The following CPS1 variants were observed in gnomAD, a reference collection of about 807,000 sequenced individuals.
CPS1 encodes carbamoyl-phosphate synthase [ammonia], mitochondrial.
Under a neutral mutation model 174.6 loss-of-function variants are expected in CPS1, and 109 were observed. The observed-to-expected ratio is 0.62, with a 90% CI of 0.53 to 0.73. The LOEUF (loss-of-function observed/expected upper bound fraction) is 0.73, where lower values mean the gene tolerates loss of function less well. Among genes scored for constraint, CPS1 ranks in the 30% least tolerant of loss-of-function variants. CPS1 has a pLI of 0.00. For synonymous variants in CPS1, 637 were observed against 632.0 expected, an observed-to-expected ratio of 1.01 and a Z score of -0.12; for missense variants, 1,689 against 1,821.9, an observed-to-expected ratio of 0.93 and a Z score of 1.33.
rs777862834 is a variant in CPS1, at chr2:210,668,170, A to G, written c.4003-16A>G. 3 of 1,597,412 alleles carry G rather than the reference A, an allele frequency of 1.9e-6. No homozygotes were observed. The highest frequency in any genetic ancestry group is 4.5e-5 in the East Asian group (2 of 44,740). ...TTTGCATCCTCTATTTTAATTTTTT[A>G]TTTATTTCTAAACAGGTGGCTTGCT... On this transcript the variant is annotated splice_polypyrimidine_tract_variant and intron_variant, in intron 33 of 37. Coordinates refer to ENST00000233072, the MANE Select transcript of CPS1 (RefSeq NM_001875.5).
intron 1 of CPS1, among the ~76,000 whole-genome samples, chr2:210,567,002 C>A (rs905775452): frequency 3.3e-5 from 5 of 151,930 alleles, no homozygotes; most frequent in African/African-American, 1.2e-4. Flanking sequence ...CTTATTTGTA[C>A]AACTGCATAT....
intron 1 of CPS1, among the ~76,000 whole-genome samples, chr2:210,565,251 A>G (rs1020157681): frequency 1.2e-4 from 18 of 152,080 alleles, no homozygotes; most frequent in Admixed American, 6.5e-4. Context: ...CAAAGGAAAC[A>G]TTTAGTATTA....
intron 1 of CPS1, among the ~76,000 whole-genome samples, chr2:210,538,378 C>T (rs990629639): frequency 3.9e-5 from 6 of 151,992 alleles, no homozygotes; most frequent in African/African-American, 1.4e-4. Flanking sequence ...TGAAATAGCC[C>T]AGAATGGAGG....
chr2:210,502,377 A>T, intron 1 of CPS1, among the ~76,000 whole-genome samples: 1 of 95,566 alleles, frequency 1.0e-5, no homozygotes, highest in African/African-American at 3.0e-5. Flanking sequence ...CTATATATAT[A>T]TATTTTTTTA....
chr2:210,496,835 C>T (rs538739988), intron 1 of CPS1, among the ~76,000 whole-genome samples: 2 of 152,286 alleles, frequency 1.3e-5, no homozygotes, highest in South Asian at 2.1e-4. Flanking sequence ...CCTGGTCACC[C>T]TATTTAATAC....
At chr2:210,551,858 G>A (rs545767810), upstream of CPS1, among the ~76,000 whole-genome samples, 12 of 152,020 alleles carry the variant, frequency 7.9e-5, no homozygotes, top group African/African-American at 2.9e-4. Context: ...ATATCTGTCT[G>A]TCATTTTCAA....
chr2:210,644,728 T>C (rs535524686), intron 25 of CPS1, among the ~76,000 whole-genome samples: 1 of 152,288 alleles, frequency 6.6e-6, no homozygotes, highest in Non-Finnish European at 1.5e-5. Flanking sequence ...CAGGATAAGT[T>C]AAGATGTTCT....
At chr2:210,641,021 A>T (rs1700206995) in intron 24 of CPS1, among the ~76,000 whole-genome samples, 1 of 152,186 alleles carries the variant, frequency 6.6e-6, no homozygotes, top group South Asian at 2.1e-4. Flanking sequence ...TGCTTCTAAG[A>T]TGGCGCCTTA....
rs1436378650 is a variant in CPS1, at chr2:210,616,445, T to C, written c.2591T>C (p.Leu864Pro). 6.2e-7 allele frequency: 1 copy of C among 1,611,726 alleles called. No individual in the cohort carries two copies. The highest frequency in any genetic ancestry group is 8.5e-7 in the Non-Finnish European group (1 of 1,178,256). Residue 864 changes from leucine to proline, a missense_variant, in exon 21 of 38, where the codon CTT becomes CCT. Physicochemically the swap from Leu to Pro is moderately conservative, Grantham distance 98. Coordinates refer to ENST00000233072, the MANE Select transcript of CPS1 (RefSeq NM_001875.5). ...IAKAIDDNMS[L>P]DEIEKLTYID... is the part of the protein sequence containing the mutation. ...CAGGCCATTGATGACAACATGTCCCTTGATGAGATTGAGAAGCTCACATAC... is the reference window on the plus strand; with the variant it reads ...CAGGCCATTGATGACAACATGTCCCCTGATGAGATTGAGAAGCTCACATAC...
intron 21 of CPS1, among the ~76,000 whole-genome samples, chr2:210,616,801 T>C (rs932416502): frequency 1.3e-5 from 2 of 151,996 alleles, no homozygotes; most frequent in Non-Finnish European, 2.9e-5. Context: ...TAAGGTCTTT[T>C]GAATGCACAA....
intron 19 of CPS1, among the ~76,000 whole-genome samples, chr2:210,609,377 T>C (rs1043705447): frequency 6.6e-6 from 1 of 151,958 alleles, no homozygotes; most frequent in African/African-American, 2.4e-5. Flanking sequence ...CCAGCTGGAC[T>C]TGGATATTAC....
intron 1 of CPS1, among the ~76,000 whole-genome samples, chr2:210,513,955 A>G (rs1478894884): frequency 6.6e-6 from 1 of 151,940 alleles, no homozygotes; most frequent in Non-Finnish European, 1.5e-5. Flanking sequence ...TTCTTTCCCC[A>G]TTGCTTGTTT....
At chr2:210,640,808 G>T (rs1160858239) in intron 24 of CPS1, among the ~76,000 whole-genome samples, 1 of 152,166 alleles carries the variant, frequency 6.6e-6, no homozygotes, top group Non-Finnish European at 1.5e-5. Flanking sequence ...GGATATGTTA[G>T]TTTACCAATC....
At position 210,602,183 on chromosome 2, in the gene CPS1, T is replaced by G; in HGVS notation, c.1708-19T>G. The G allele has an allele frequency of 1.9e-6, 3 of 1,611,782 alleles. No individual in the cohort carries two copies. The highest frequency in any genetic ancestry group is 2.5e-6 in the Non-Finnish European group (3 of 1,178,800). ...TGTGCTCAGCTTTTAAAATGTTGAG[T>G]CCTTGTTCTTGTTGACAGATTGAGG... On this transcript the variant is annotated intron_variant, in intron 15 of 37. Coordinates refer to ENST00000233072, the MANE Select transcript of CPS1 (RefSeq NM_001875.5).
chr2:210,531,650 G>T (rs1276048834), intron 1 of CPS1, among the ~76,000 whole-genome samples: 2 of 152,108 alleles, frequency 1.3e-5, no homozygotes, highest in Non-Finnish European at 2.9e-5. Context: ...GTTAATAGTA[G>T]AATGCTCTTT....
At chr2:210,530,862 A>C (rs1007295819) in intron 1 of CPS1, among the ~76,000 whole-genome samples, 4 of 151,806 alleles carry the variant, frequency 2.6e-5, no homozygotes, top group Non-Finnish European at 4.4e-5. Flanking sequence ...GATCTGGCAG[A>C]TCTAGTGTGG....
intron 33 of CPS1, among the ~76,000 whole-genome samples, chr2:210,664,555 T>C (rs990763864): frequency 6.6e-6 from 1 of 152,092 alleles, no homozygotes; most frequent in African/African-American, 2.4e-5. Flanking sequence ...GTCAGGCTGG[T>C]CTCGAACTCC....
intron 1 of CPS1, among the ~76,000 whole-genome samples, chr2:210,495,928 TTTC>T (rs1209887970): frequency 6.6e-6 from 1 of 151,908 alleles, no homozygotes; most frequent in Non-Finnish European, 1.5e-5. Context: ...ACCTCCCTCT[TTTC>T]TTTTTTTCCT....
At chr2:210,623,164 C>A (rs1315103462) in intron 21 of CPS1, among the ~76,000 whole-genome samples, 1 of 151,992 alleles carries the variant, frequency 6.6e-6, no homozygotes, top group East Asian at 1.9e-4. Flanking sequence ...TTCAATGGTC[C>A]ATTTTGCTCT....
Sources: gnomAD v4.1 joint callset for allele counts (sites outside exome capture counted in the v4.1 genomes callset) on GRCh38, gnomAD v4.1.1 for gene constraint, MANE v1.5 for transcripts, NCBI Gene and HGNC (gene_info 2026-07-23, HGNC 2026-07-21) for gene names.